Variants in ARHGEF18 observed in about 807,000 individuals in gnomAD.
ARHGEF18 encodes Rho/Rac guanine nucleotide exchange factor 18.
A neutral mutation model predicts 155.7 loss-of-function variants in ARHGEF18; 93 were observed. That is an observed-to-expected ratio of 0.60 (90% confidence interval 0.50 to 0.71). The LOEUF is 0.71. Ranked by LOEUF, ARHGEF18 falls within the 30% of genes least tolerant of loss-of-function variation. The pLI is 0.00. For missense variants in ARHGEF18, 1,593 were observed against 1,816.1 expected (o/e 0.88, Z 2.23); for synonymous variants, 742 against 753.1 (o/e 0.99, Z 0.24).
chr19:7,353,956 C>T (rs1371969179), intron 1 of ARHGEF18, among the ~76,000 whole-genome samples: 3 of 18,094 alleles, frequency 1.7e-4, no homozygotes, highest in Non-Finnish European at 3.9e-4. Flanking sequence ...AAGACTCTGT[C>T]TAAAAAAAAA....
At chr19:7,454,529 C>T (rs1490555529) in intron 17 of ARHGEF18, among the ~76,000 whole-genome samples, 1 of 151,904 alleles carries the variant, frequency 6.6e-6, no homozygotes, top group African/African-American at 2.4e-5. Flanking sequence ...CAGTGGGTGC[C>T]CTCTTGGATC....
chr19:7,462,804 A>G lies in ARHGEF18; in HGVS notation c.2635+470A>G, dbSNP rs1976361609. Reference sequence around the variant, plus strand: ...GGGCTGGCCGCTTGAGCAGGCAGTCAGCGCCCAGTCTGCTCTTTCTTTTTT... The same window carrying G: ...GGGCTGGCCGCTTGAGCAGGCAGTCGGCGCCCAGTCTGCTCTTTCTTTTTT... On this transcript the variant is annotated intron_variant, in intron 21 of 28. Transcript: ENST00000668164. This position sits in a 1 kb window ranked among gnomAD's most constrained non-coding sequence, Gnocchi z 4.4. 6.7e-6 allele frequency among the ~76,000 whole-genome samples: 1 copy of G among 150,112 alleles called. No homozygotes were observed. Among genetic ancestry groups the G allele is most frequent in the African/African-American group, 2.4e-5 (1 of 40,820 alleles).
chr19:7,411,240 T>C lies in ARHGEF18; in HGVS notation c.967+28037T>C, dbSNP rs530775771. The stretch of plus-strand genomic sequence containing the variant: ...TCTTTCCTTCTTTTCTTCCTGTTCC[T>C]TTCCCCTACCTCTTCCCCTTCCCCT... On this transcript the variant is annotated intron_variant, in intron 10 of 28. Transcript: ENST00000668164. Among the ~76,000 whole-genome samples the C allele has an allele frequency of 4.0e-4, 55 of 135,932 alleles. 1 individual carries two copies. Among genetic ancestry groups the C allele is most frequent in the Admixed American group, 3.1e-4 (4 of 12,876 alleles). The allele number at this position is 135,932 out of a possible 152,430, so 89.2% of individuals were successfully genotyped here. A position where few individuals can be genotyped will look rare whatever the true frequency, so the allele number is the denominator to read the frequency against.
rs1326127263 is a variant in ARHGEF18, at chr19:7,453,402, G to A, written c.1856-65G>A. On this transcript the variant is annotated intron_variant, in intron 16 of 28. Transcript: ENST00000668164. ...ATAGATCCACATGTCCATACATAGT[G>A]AGTGTGTCCACTTCTGTTGTGTTAA... 15 of 1,523,940 alleles carry A rather than the reference G, an allele frequency of 9.8e-6. No homozygotes were observed. The South Asian group carries it at 1.5e-4, about 15-fold the overall frequency. 94.4% of individuals were successfully genotyped at this position (1,523,940 alleles called of 1,614,324 possible).
In ARHGEF18 at chr19:7,467,058, C is replaced by G; in HGVS notation, c.2962-13C>G. Reference sequence around the variant, plus strand: ...CCCGATAACTAGCATCAATCTCCCTCTCCTCTCCGCAGCTTGTCCAGCGGA... The same window carrying G: ...CCCGATAACTAGCATCAATCTCCCTGTCCTCTCCGCAGCTTGTCCAGCGGA... On this transcript the variant is annotated splice_polypyrimidine_tract_variant and intron_variant, in intron 24 of 28. Coordinates refer to ENST00000668164, the MANE Select transcript of ARHGEF18 (RefSeq NM_001367823.1). 6.2e-7 allele frequency: 1 copy of G among 1,609,960 alleles called. No individual in the cohort carries two copies. The highest frequency in any genetic ancestry group is 1.1e-5 in the South Asian group (1 of 90,920).
intron 1 of ARHGEF18, among the ~76,000 whole-genome samples, chr19:7,351,437 C>G (rs1248163317): frequency 6.6e-6 from 1 of 151,868 alleles, no homozygotes; most frequent in African/African-American, 2.4e-5. Flanking sequence ...CATTCTCCTG[C>G]CTCAGCCTCC....
At position 7,462,348 on chromosome 19, in the gene ARHGEF18, C is replaced by A; in HGVS notation, c.2635+14C>A. The A allele has an allele frequency of 6.4e-7, 1 of 1,574,536 alleles. No individual in the cohort carries two copies. Among genetic ancestry groups the A allele is most frequent in the Non-Finnish European group, 8.6e-7 (1 of 1,161,722 alleles). On this transcript the variant is annotated intron_variant, in intron 21 of 28. Coordinates refer to ENST00000668164, the MANE Select transcript of ARHGEF18 (RefSeq NM_001367823.1). This position sits in a 1 kb window ranked among gnomAD's most constrained non-coding sequence, Gnocchi z 4.4. ...CCATGAGCGAGAGTAAGTTGGCTGC[C>A]CACACCTCAAGGGTGCAGTCTTGCC...
chr19:7,376,555 T>G (rs1321694627), intron 4 of ARHGEF18, 88 bp from the exon 5 acceptor site: 1 of 770,634 alleles, frequency 1.3e-6, no homozygotes, highest in East Asian at 3.4e-5. Context: ...GAGGTGGCCC[T>G]GGCTGTGGGT....
chr19:7,451,023 G>A, intron 15 of ARHGEF18, 126 bp from the exon 16 acceptor site: 1 of 531,650 alleles, frequency 1.9e-6, no homozygotes, highest in South Asian at 2.1e-5. Flanking sequence ...ATGTTAATAT[G>A]GGATCTTGCT....
intron 14 of ARHGEF18, among the ~76,000 whole-genome samples, chr19:7,445,545 G>A (rs1212553803): frequency 6.6e-6 from 1 of 152,174 alleles, no homozygotes; most frequent in African/African-American, 2.4e-5. Flanking sequence ...CAGGGGAGCT[G>A]TGCCCTTCAT....
intron 10 of ARHGEF18, among the ~76,000 whole-genome samples, chr19:7,406,386 C>G (rs114950636): frequency 0.011 from 1,613 of 152,206 alleles, 21 homozygotes; most frequent in African/African-American, 0.025. Context: ...CACCTGGCCT[C>G]CAGATTCTTT....
chr19:7,420,419 AT>A (rs1056103669), intron 10 of ARHGEF18, among the ~76,000 whole-genome samples: 1 of 151,616 alleles, frequency 6.6e-6, no homozygotes, highest in African/African-American at 2.4e-5. Flanking sequence ...CATTCAGCTA[AT>A]TTTTATATTT....
chr19:7,450,749 G>A (rs375115434), intron 15 of ARHGEF18, among the ~76,000 whole-genome samples: 5 of 42 alleles, frequency 0.12, no homozygotes, highest in South Asian at 0.5. Context: ...AGATGTTAAT[G>A]CGGGATCTTG....
intron 10 of ARHGEF18, among the ~76,000 whole-genome samples, chr19:7,436,124 A>C (rs1974238316): frequency 6.6e-6 from 1 of 151,578 alleles, no homozygotes; most frequent in African/African-American, 2.4e-5. Context: ...TCATCAAAGG[A>C]GGGTTTACAT....
chr19:7,442,524 G>A (rs79534730), intron 13 of ARHGEF18, among the ~76,000 whole-genome samples: 6,215 of 144,324 alleles, frequency 0.043, 368 homozygotes, highest in East Asian at 0.17. Flanking sequence ...CGTGAGCCAC[G>A]GTGCCTGGCC....
In ARHGEF18 at chr19:7,444,061, T is replaced by G. The variant is rs1342082201; in HGVS notation, c.1361-143T>G. The stretch of plus-strand genomic sequence containing the variant: ...TTCTAAACCCTGGACACCCTGGAAG[T>G]AAGAAAGATCCCAAAGGCACAAGGT... On this transcript the variant is annotated intron_variant, in intron 13 of 28. Transcript: ENST00000668164. The surrounding 1 kb of genome is among the most constrained non-coding windows in gnomAD (Gnocchi z 4.7). 9.3e-7 allele frequency: 1 copy of G among 1,069,890 alleles called. No individual in the cohort carries two copies. Among genetic ancestry groups the G allele is most frequent in the Non-Finnish European group, 1.3e-6 (1 of 750,210 alleles). The allele number at this position is 1,069,890 out of a possible 1,614,324, so 66.3% of individuals were successfully genotyped here.
intron 10 of ARHGEF18, among the ~76,000 whole-genome samples, chr19:7,407,383 G>A (rs1264269922): frequency 6.6e-6 from 1 of 150,734 alleles, no homozygotes; most frequent in African/African-American, 2.4e-5. Context: ...CCGAGATTGA[G>A]CCACTGTACC....
chr19:7,418,004 G>A (rs10409371), intron 10 of ARHGEF18, among the ~76,000 whole-genome samples: 23,438 of 152,134 alleles, frequency 0.15, 3,768 homozygotes, highest in African/African-American at 0.41. Context: ...ATAGTTTGCC[G>A]ACCATTCTTG....
chr19:7,353,817 G>C (rs1466656789), intron 1 of ARHGEF18, among the ~76,000 whole-genome samples: 1 of 151,782 alleles, frequency 6.6e-6, no homozygotes, highest in Non-Finnish European at 1.5e-5. Context: ...GCTGGGCATG[G>C]TGGTGCACGC....
Sources: gnomAD v4.1 joint callset for allele counts (sites outside exome capture counted in the v4.1 genomes callset) on GRCh38, gnomAD v4.1.1 for gene constraint, Gnocchi (gnomAD v3.1) non-coding constraint, MANE v1.5 for transcripts, NCBI Gene and HGNC (gene_info 2026-07-23, HGNC 2026-07-21) for gene names.